Variants in VSTM4 observed in about 807,000 individuals in gnomAD.
The protein encoded by VSTM4 is V-set and transmembrane domain-containing protein 4.
VSTM4 carries 20 observed loss-of-function variants against 36.4 expected under a neutral mutation model. The observed-to-expected ratio is 0.55, with a 90% CI of 0.39 to 0.80. VSTM4 has a LOEUF of 0.80. Among genes scored for constraint, VSTM4 ranks in the 30% least tolerant of loss-of-function variants. VSTM4 has a pLI of 0.00. For missense variants in VSTM4, 392 were observed against 404.5 expected, an observed-to-expected ratio of 0.97 and a Z score of 0.26; for synonymous variants, 182 against 173.9, an observed-to-expected ratio of 1.05 and a Z score of -0.37.
chr10:49,063,947 G>C (rs75232491), intron 5 of VSTM4, among the ~76,000 whole-genome samples: 1 of 152,198 alleles, frequency 6.6e-6, no homozygotes, highest in Admixed American at 6.5e-5. Flanking sequence ...AGGTTTTCAG[G>C]GGAACTCCCC....
At chr10:49,105,311 CAGAG>C (rs1564597359) in intron 2 of VSTM4, among the ~76,000 whole-genome samples, 2 of 78,320 alleles carry the variant, frequency 2.6e-5, no homozygotes, top group African/African-American at 1.6e-4. Flanking sequence ...GAGGAAGAGA[CAGAG>C]AAAGAGAGAG....
intron 5 of VSTM4, among the ~76,000 whole-genome samples, chr10:49,059,042 C>A (rs779762671): frequency 3.3e-5 from 5 of 152,220 alleles, no homozygotes; most frequent in Non-Finnish European, 7.3e-5. Flanking sequence ...AGAGGCAGAG[C>A]ACAATTCAGG....
At chr10:49,031,691 C>T (rs1843348251) in intron 7 of VSTM4, among the ~76,000 whole-genome samples, 2 of 152,188 alleles carry the variant, frequency 1.3e-5, no homozygotes, top group African/African-American at 4.8e-5. Context: ...CCACTCACTG[C>T]CCTGCACACA....
At chr10:49,079,169 A>G (rs1165151742) in intron 3 of VSTM4, among the ~76,000 whole-genome samples, 1 of 152,040 alleles carries the variant, frequency 6.6e-6, no homozygotes, top group African/African-American at 2.4e-5. Flanking sequence ...TCAAAATAAA[A>G]AGTTGTCTAA....
chr10:49,064,387 A>T, intron 5 of VSTM4: 2 of 344,524 alleles, frequency 5.8e-6, no homozygotes, highest in Middle Eastern at 8.3e-4. Flanking sequence ...GTCAAAATGT[A>T]TCAAAGTGGT....
rs985156828 is a variant in VSTM4 at position 49,015,329 on chromosome 10, G to T, written c.*4321C>A. The T allele has an allele frequency of 5.3e-5, 8 of 152,102 alleles. No homozygotes were observed. The highest frequency in any genetic ancestry group is 1.9e-4 in the African/African-American group (8 of 41,380). 9.4% of individuals were successfully genotyped at this position (152,102 alleles called of 1,614,324 possible). On this transcript the variant is annotated 3_prime_UTR_variant, in exon 8 of 8. Coordinates refer to ENST00000332853, the MANE Select transcript of VSTM4 (RefSeq NM_001031746.5). ...GTAGAGACAGGGTTTCACCGTGTTAGCCAGGATGGTCTCGATCTCCTGACC... is the reference window on the plus strand; with the variant it reads ...GTAGAGACAGGGTTTCACCGTGTTATCCAGGATGGTCTCGATCTCCTGACC...
At chr10:49,023,623 C>A (rs185705195) in intron 7 of VSTM4, among the ~76,000 whole-genome samples, 1 of 152,338 alleles carries the variant, frequency 6.6e-6, no homozygotes, top group Admixed American at 6.5e-5. Flanking sequence ...TCAGATGATA[C>A]AAGTTTACTG....
At position 49,099,264 on chromosome 10, in the gene VSTM4, C is replaced by T. The variant is rs74767108; in HGVS notation, c.457+8330G>A. 2.7e-3 allele frequency among the ~76,000 whole-genome samples: 415 copies of T among 152,368 alleles called. 2 individuals are homozygous for T. The highest frequency in any genetic ancestry group is 9.3e-3 in the African/African-American group (387 of 41,592). On this transcript the variant is annotated intron_variant, in intron 2 of 7. Transcript: ENST00000332853. ...CACGGCTGATTCGCTGCTATTATCA[C>T]TCCGAATCCTTTCGCAGAGAGAGCC...
At chr10:49,094,788 G>C (rs1325493510) in intron 2 of VSTM4, among the ~76,000 whole-genome samples, 1 of 152,088 alleles carries the variant, frequency 6.6e-6, no homozygotes, top group Non-Finnish European at 1.5e-5. Flanking sequence ...GGCAGGGGGT[G>C]GGGGGCGTGC....
chr10:49,102,394 A>G, intron 2 of VSTM4: 1 of 985,226 alleles, frequency 1.0e-6, no homozygotes. Flanking sequence ...TCGGCCTCCC[A>G]AAGTGCTGGG....
intron 4 of VSTM4, among the ~76,000 whole-genome samples, chr10:49,076,126 C>T (rs555324905): frequency 7.8e-4 from 119 of 152,298 alleles, no homozygotes; most frequent in Non-Finnish European, 6.8e-4. Context: ...CTTGCCCACA[C>T]CCCTGCATTA....
intron 2 of VSTM4, among the ~76,000 whole-genome samples, chr10:49,098,707 C>T (rs952384626): frequency 2.0e-5 from 3 of 152,194 alleles, no homozygotes; most frequent in African/African-American, 7.2e-5. Flanking sequence ...CCAACATTGC[C>T]CTCTCCCTCA....
chr10:49,109,410 G>A (rs965070082), intron 1 of VSTM4, among the ~76,000 whole-genome samples: 2 of 152,184 alleles, frequency 1.3e-5, no homozygotes, highest in South Asian at 2.1e-4. Flanking sequence ...TAAAAATCCA[G>A]GCAACAGGTC....
intron 4 of VSTM4, among the ~76,000 whole-genome samples, chr10:49,065,080 T>C (rs1843948919): frequency 6.6e-6 from 1 of 152,222 alleles, no homozygotes; most frequent in Non-Finnish European, 1.5e-5. Context: ...GAAAGCCCTC[T>C]TGAGGCCAGA....
intron 2 of VSTM4, among the ~76,000 whole-genome samples, chr10:49,096,609 A>C (rs1844573456): frequency 7.0e-6 from 1 of 143,016 alleles, no homozygotes; most frequent in Non-Finnish European, 1.5e-5. Flanking sequence ...TGGGTTGAAA[A>C]GCCATTGAAG....
intron 4 of VSTM4, among the ~76,000 whole-genome samples, chr10:49,072,636 G>A (rs751431542): frequency 1.3e-5 from 2 of 152,200 alleles, no homozygotes; most frequent in Non-Finnish European, 2.9e-5. Context: ...ATGTGGGAGA[G>A]TGACACAGTG....
At chr10:49,057,731 C>T (rs1843806014) in intron 5 of VSTM4, among the ~76,000 whole-genome samples, 1 of 152,144 alleles carries the variant, frequency 6.6e-6, no homozygotes, top group Non-Finnish European at 1.5e-5. Flanking sequence ...GCCAGGGAGA[C>T]CCCGTCCCTG....
Position 49,054,252 on chromosome 10 carries a change from C to G in VSTM4, c.669-5668G>C, listed in dbSNP as rs368443494. 8.5e-5 allele frequency among the ~76,000 whole-genome samples: 13 copies of G among 152,352 alleles called. No individual in the cohort carries two copies. In the East Asian group the frequency reaches 1.5e-3, roughly 18 times the overall value. ...AACAAGGTCAATAGAGCCAGAGCCA[C>G]AGTGGCTACTCCCAGTTTAAACCAT... On this transcript the variant is annotated intron_variant, in intron 5 of 7. Coordinates refer to ENST00000332853, the MANE Select transcript of VSTM4 (RefSeq NM_001031746.5).
rs17175907 is a variant in VSTM4, at chr10:49,088,667, C to T, written c.458-2644G>A. 7.2e-3 allele frequency among the ~76,000 whole-genome samples: 1,104 copies of T among 152,356 alleles called. 39 individuals are homozygous for T. Among genetic ancestry groups the T allele is most frequent in the Admixed American group, 0.055 (845 of 15,306 alleles). ...GCACTCTGGGCCCCACAAGGCCTGG[C>T]ATGTTGTATTTACTCTCTTTGCATT... On this transcript the variant is annotated intron_variant, in intron 2 of 7. Coordinates refer to ENST00000332853, the MANE Select transcript of VSTM4 (RefSeq NM_001031746.5).
Sources: gnomAD v4.1 joint callset for allele counts (sites outside exome capture counted in the v4.1 genomes callset) on GRCh38, gnomAD v4.1.1 for gene constraint, MANE v1.5 for transcripts, NCBI Gene and HGNC (gene_info 2026-07-23, HGNC 2026-07-21) for gene names.